Variants in ABCC1 observed in about 807,000 individuals in gnomAD.
ABCC1 encodes ATP binding cassette subfamily C member 1 (ABCC1 blood group).
Under a neutral mutation model 172.9 loss-of-function variants are expected in ABCC1, and 83 were observed. The observed-to-expected ratio is 0.48, with a 90% CI of 0.40 to 0.58. ABCC1 has a LOEUF of 0.58. ABCC1 is among the 20% of genes least tolerant of loss of function. ABCC1 has a pLI of 0.00. For synonymous variants in ABCC1, 937 were observed against 825.2 expected, an observed-to-expected ratio of 1.14 and a Z score of -2.32; for missense variants, 1,817 against 2,002.7, an observed-to-expected ratio of 0.91 and a Z score of 1.77.
At chr16:16,026,705 C>T (rs558054815) in intron 5 of ABCC1, among the ~76,000 whole-genome samples, 1 of 151,978 alleles carries the variant, frequency 6.6e-6, no homozygotes, top group South Asian at 2.1e-4. Context: ...CAGTTGAGGT[C>T]AGGAGTTCGA....
At chr16:16,103,580 AAAAAAC>A (rs1296399982) in intron 20 of ABCC1, among the ~76,000 whole-genome samples, 9 of 152,220 alleles carry the variant, frequency 5.9e-5, no homozygotes, top group Middle Eastern at 3.4e-3. Context: ...ACTCCATCTC[AAAAAAC>A]AAAAACAAAA....
upstream of ABCC1, chr16:15,949,583 G>A (rs976075064): frequency 2.0e-3 from 346 of 172,018 alleles, 5 homozygotes; most frequent in African/African-American, 8.4e-3. Context: ...CCAACCAGGC[G>A]GCGTTGCGGC....
rs748736973 is a variant in ABCC1, at chr16:16,048,094, C to A, written c.1219-48C>A. ...CGTGGGTCTGGAGGGAGAGTCAGGC[C>A]TCTTCAGCTGCCACACTCACCCACC... is the stretch of plus-strand genomic sequence containing the variant. On this transcript the variant is annotated intron_variant, in intron 9 of 30. Coordinates refer to ENST00000399410, the MANE Select transcript of ABCC1 (RefSeq NM_004996.4). The A allele has an allele frequency of 2.7e-5, 44 of 1,603,294 alleles. No individual in the cohort carries two copies. The African/African-American group carries it at 4.3e-4, about 16-fold the overall frequency.
intron 5 of ABCC1, among the ~76,000 whole-genome samples, chr16:16,029,424 T>C (rs560348112): frequency 4.9e-4 from 74 of 152,200 alleles, no homozygotes; most frequent in Non-Finnish European, 8.2e-4. Context: ...GGTCTTGCCA[T>C]GTTGCCCAGA....
At chr16:16,106,697 G>A in intron 20 of ABCC1, 41 bp from the exon 21 acceptor site, 4 of 1,612,352 alleles carry the variant, frequency 2.5e-6, no homozygotes, top group Non-Finnish European at 3.4e-6. Flanking sequence ...CCCTGCCCAA[G>A]GCATCTGTAC....
intron 4 of ABCC1, among the ~76,000 whole-genome samples, chr16:16,016,001 C>T (rs2047978974): frequency 6.6e-6 from 1 of 152,148 alleles, no homozygotes; most frequent in South Asian, 2.1e-4. Context: ...GTCTTCCTCC[C>T]ATCAGGCAGC....
chr16:16,061,764 CT>C lies in ABCC1; in HGVS notation c.1677+5476del, dbSNP rs974531887. The stretch of plus-strand genomic sequence containing the variant: ...ATACATACAAAATGGCTTTTTTTTT[CT>C]TTTTTTCTTTTTTTTTTTTTTTTTT... On this transcript the variant is annotated intron_variant, in intron 12 of 30. Coordinates refer to ENST00000399410, the MANE Select transcript of ABCC1 (RefSeq NM_004996.4). Among the ~76,000 whole-genome samples the C allele has an allele frequency of 1.5e-4, 21 of 139,174 alleles. No individual in the cohort carries two copies. In the East Asian group the frequency reaches 1.9e-3, roughly 13 times the overall value. 91.3% of individuals were successfully genotyped at this position (139,174 alleles called of 152,430 possible). A position where few individuals can be genotyped will look rare whatever the true frequency, so the allele number is the denominator to read the frequency against.
At chr16:15,972,118 T>A (rs2046383181) in intron 1 of ABCC1, among the ~76,000 whole-genome samples, 1 of 152,094 alleles carries the variant, frequency 6.6e-6, no homozygotes, top group Non-Finnish European at 1.5e-5. Context: ...CTTTTTATTT[T>A]AAATGGGGAA....
intron 3 of ABCC1, 135 bp from the exon 4 acceptor site, chr16:16,014,356 G>C (rs2047907954): frequency 2.0e-6 from 2 of 998,324 alleles, no homozygotes; most frequent in Non-Finnish European, 2.8e-6. Context: ...TGAGGCAGGA[G>C]AATCACTTGA....
At chr16:16,096,941 G>C (rs1260635146) in intron 19 of ABCC1, among the ~76,000 whole-genome samples, 1 of 151,858 alleles carries the variant, frequency 6.6e-6, no homozygotes, top group Non-Finnish European at 1.5e-5. Context: ...AAGAACTCTT[G>C]CTACTTTATA....
chr16:16,131,916 C>G lies in ABCC1; in HGVS notation c.3947C>G (p.Thr1316Arg), dbSNP rs754576104. Residue 1316 changes from threonine to arginine, a missense_variant, in exon 27 of 31, where the codon ACG becomes AGG. Thr to Arg is a moderately conservative substitution (Grantham distance 71). Transcript: ENST00000399410. ...LDFVLRHINV[T>R]INGGEKVGIV... Reference sequence around the variant, plus strand: ...TTCGTTCTCAGGCACATCAATGTCACGATCAATGGGGGAGAAAAGGTGGGT... The same window carrying G: ...TTCGTTCTCAGGCACATCAATGTCAGGATCAATGGGGGAGAAAAGGTGGGT... 3.1e-6 allele frequency: 5 copies of G among 1,613,846 alleles called. No individual in the cohort carries two copies. Among genetic ancestry groups the G allele is most frequent in the South Asian group, 1.1e-5 (1 of 91,066 alleles).
chr16:16,091,084 A>G (rs1416591724), intron 19 of ABCC1, among the ~76,000 whole-genome samples: 1 of 152,002 alleles, frequency 6.6e-6, no homozygotes, highest in Non-Finnish European at 1.5e-5. Flanking sequence ...ATGTGACCTG[A>G]GGCCTGCCCT....
chr16:16,127,462 G>A (rs1457475308), intron 26 of ABCC1, among the ~76,000 whole-genome samples: 1 of 152,130 alleles, frequency 6.6e-6, no homozygotes, highest in Admixed American at 6.5e-5. Context: ...GCCTCCCAAA[G>A]TGCTGGGATT....
chr16:16,042,180 T>G (rs970158880), intron 7 of ABCC1, among the ~76,000 whole-genome samples: 1 of 143,050 alleles, frequency 7.0e-6, no homozygotes, highest in African/African-American at 2.6e-5. Context: ...GCAGTTTTTT[T>G]TTTTTTTTTT....
chr16:15,991,320 T>C (rs2046862225), intron 1 of ABCC1, among the ~76,000 whole-genome samples: 2 of 151,758 alleles, frequency 1.3e-5, no homozygotes, highest in South Asian at 4.2e-4. Flanking sequence ...TGTGGTGGGG[T>C]GAATCTTATT....
rs1597175702 is a variant in ABCC1, at chr16:16,050,868, C to T, written c.1381-1856C>T. On this transcript the variant is annotated intron_variant, in intron 10 of 30. Transcript: ENST00000399410. ...GCAGTAAGCTAGGATCACACCACTG[C>T]ACTCCTACCTGGGTGACAAGGCAAG... 2.0e-5 allele frequency among the ~76,000 whole-genome samples: 3 copies of T among 151,690 alleles called. No individual in the cohort carries two copies. The South Asian group carries it at 6.2e-4, about 31-fold the overall frequency.
intron 23 of ABCC1, among the ~76,000 whole-genome samples, chr16:16,120,615 G>A (rs1245747737): frequency 6.6e-6 from 1 of 152,164 alleles, no homozygotes; most frequent in African/African-American, 2.4e-5. Context: ...ATGGAGGATG[G>A]GAAGGGCTTC....
chr16:16,077,950 C>T (rs2050644947), intron 15 of ABCC1, among the ~76,000 whole-genome samples: 1 of 151,982 alleles, frequency 6.6e-6, no homozygotes, highest in Admixed American at 6.6e-5. Flanking sequence ...TGGAGGTCAG[C>T]AGTTCGAGAC....
At chr16:16,042,713 A>C (rs2049024002) in intron 7 of ABCC1, among the ~76,000 whole-genome samples, 1 of 152,090 alleles carries the variant, frequency 6.6e-6, no homozygotes, top group Admixed American at 6.6e-5. Context: ...AAAAAAAAAA[A>C]AAAAAATCCC....
Sources: gnomAD v4.1 joint callset for allele counts (sites outside exome capture counted in the v4.1 genomes callset) on GRCh38, gnomAD v4.1.1 for gene constraint, MANE v1.5 for transcripts, NCBI Gene and HGNC (gene_info 2026-07-23, HGNC 2026-07-21) for gene names.